The following CDH8 variants were observed in gnomAD, a reference collection of about 807,000 sequenced individuals.
The protein encoded by CDH8 is cadherin 8, also known as cadherin-8.
A neutral mutation model predicts 68.1 loss-of-function variants in CDH8; 17 were observed. That is an observed-to-expected ratio of 0.25 (90% CI 0.17 to 0.37). CDH8 has a LOEUF of 0.37. CDH8 is among the 10% of genes least tolerant of loss of function. CDH8 has a pLI of 1.00. For missense variants in CDH8, 763 were observed against 999.3 expected, an observed-to-expected ratio of 0.76 and a Z score of 3.19; for synonymous variants, 372 against 365.1, an observed-to-expected ratio of 1.02 and a Z score of -0.21.
At chr16:62,007,981 C>T (rs1901712801) in intron 2 of CDH8, among the ~76,000 whole-genome samples, 1 of 152,038 alleles carries the variant, frequency 6.6e-6, no homozygotes, top group Admixed American at 6.5e-5. Context: ...GAGTCAGGAT[C>T]TTGCTCTGCC....
chr16:61,697,756 G>A (rs1396514456), intron 10 of CDH8, among the ~76,000 whole-genome samples: 2 of 152,210 alleles, frequency 1.3e-5, no homozygotes, highest in Non-Finnish European at 2.9e-5. Context: ...TTCTCAAAGT[G>A]CTGAGATAAC....
chr16:61,674,473 C>T (rs1320351501), intron 10 of CDH8, among the ~76,000 whole-genome samples: 5 of 139,788 alleles, frequency 3.6e-5, no homozygotes, highest in Admixed American at 3.4e-4. Context: ...AAAAAAAAAC[C>T]CTCACACTGA....
At chr16:61,908,042 C>CAAAA (rs547459147) in intron 2 of CDH8, among the ~76,000 whole-genome samples, 3 of 91,602 alleles carry the variant, frequency 3.3e-5, no homozygotes, top group African/African-American at 4.1e-5. Flanking sequence ...GACTCAGTCT[C>CAAAA]AAAAAAAAAA....
chr16:61,901,952 T>C (rs1963982585), intron 2 of CDH8, among the ~76,000 whole-genome samples: 1 of 151,830 alleles, frequency 6.6e-6, no homozygotes, highest in Admixed American at 6.5e-5. Context: ...GGCACATATT[T>C]ACCTCTCCAA....
At chr16:61,747,239 A>C (rs1567451813) in intron 8 of CDH8, among the ~76,000 whole-genome samples, 1 of 152,132 alleles carries the variant, frequency 6.6e-6, no homozygotes, top group East Asian at 1.9e-4. Context: ...ATTGAGTAAA[A>C]TATGCAAATC....
chr16:61,744,932 A>G (rs1049076481), intron 8 of CDH8, among the ~76,000 whole-genome samples: 3 of 151,282 alleles, frequency 2.0e-5, no homozygotes, highest in Non-Finnish European at 4.4e-5. Context: ...TATATTAAGT[A>G]GTATATATTA....
At chr16:61,733,423 A>C (rs560995335) in intron 8 of CDH8, among the ~76,000 whole-genome samples, 1 of 152,088 alleles carries the variant, frequency 6.6e-6, no homozygotes, top group East Asian at 1.9e-4. Flanking sequence ...GTAGGATTTG[A>C]CATCTTACAT....
At chr16:61,745,895 G>A (rs796136712) in intron 8 of CDH8, among the ~76,000 whole-genome samples, 1 of 151,638 alleles carries the variant, frequency 6.6e-6, no homozygotes, top group African/African-American at 2.4e-5. Context: ...TTTTTTAATT[G>A]GATTTTGAAA....
intron 1 of CDH8, among the ~76,000 whole-genome samples, chr16:62,033,018 A>T (rs1355135576): frequency 6.6e-6 from 1 of 152,226 alleles, no homozygotes; most frequent in Admixed American, 6.5e-5. Context: ...CAATTTCTTG[A>T]ATAGAATCAT....
chr16:61,901,605 A>C (rs1963974858), intron 2 of CDH8, 132 bp from the exon 3 acceptor site: 1 of 631,282 alleles, frequency 1.6e-6, no homozygotes, highest in African/African-American at 1.8e-5. Flanking sequence ...TAGCTGTACA[A>C]AGTGTATGCA....
intron 2 of CDH8, among the ~76,000 whole-genome samples, chr16:61,944,619 GA>G (rs1467561832): frequency 6.6e-6 from 1 of 152,130 alleles, no homozygotes; most frequent in Non-Finnish European, 1.5e-5. Context: ...CTTACATTTT[GA>G]GAGATATTAA....
chr16:61,750,269 C>T (rs571833351), intron 8 of CDH8, among the ~76,000 whole-genome samples: 7 of 152,052 alleles, frequency 4.6e-5, no homozygotes, highest in African/African-American at 1.2e-4. Context: ...AGAAAAACTA[C>T]GCAGTCTCTC....
rs1404751396 is a variant in CDH8 at position 61,654,840 on chromosome 16, G to GTA, written c.1906+628_1906+629dup. On this transcript the variant is annotated intron_variant, in intron 11 of 11. Coordinates refer to ENST00000577390, the MANE Select transcript of CDH8 (RefSeq NM_001796.5). Reference sequence around the variant, plus strand: ...TATGGTGTTTTGTTCCTCAAGGGTAGTATAAGATACGACTCTCATGTTTTT... The same window carrying GTA: ...TATGGTGTTTTGTTCCTCAAGGGTAGTATATAAGATACGACTCTCATGTTTTT... 3.3e-5 allele frequency among the ~76,000 whole-genome samples: 5 copies of GTA among 152,268 alleles called. No homozygotes were observed. In the East Asian group the frequency reaches 9.7e-4, roughly 29 times the overall value.
chr16:61,789,268 G>C, intron 8 of CDH8, 78 bp downstream of exon 8: 1 of 1,310,034 alleles, frequency 7.6e-7, no homozygotes. Context: ...CAGAAACAGG[G>C]GCTGCTTATC....
At chr16:62,012,006 C>G (rs1398919437) in intron 2 of CDH8, among the ~76,000 whole-genome samples, 6 of 152,012 alleles carry the variant, frequency 3.9e-5, no homozygotes, top group African/African-American at 1.5e-4. Context: ...CAAATTAGGC[C>G]AAGGTGTGTA....
chr16:62,018,336 G>A (rs1901991798), intron 2 of CDH8, among the ~76,000 whole-genome samples: 1 of 152,266 alleles, frequency 6.6e-6, no homozygotes, highest in African/African-American at 2.4e-5. Context: ...CAGCCTGCTA[G>A]GTCAGAGGCG....
At chr16:61,879,825 A>G (rs1963535523) in intron 3 of CDH8, among the ~76,000 whole-genome samples, 1 of 152,198 alleles carries the variant, frequency 6.6e-6, no homozygotes, top group Non-Finnish European at 1.5e-5. Context: ...CAGAGACCTT[A>G]TGGGAGAGTA....
chr16:62,019,188 G>A (rs1248125754), intron 2 of CDH8, among the ~76,000 whole-genome samples: 1 of 152,210 alleles, frequency 6.6e-6, no homozygotes, highest in Non-Finnish European at 1.5e-5. Flanking sequence ...GATTAAAGAA[G>A]TTCTGAATAT....
chr16:61,849,377 C>T (rs151320336), intron 4 of CDH8, among the ~76,000 whole-genome samples: 25 of 151,966 alleles, frequency 1.6e-4, no homozygotes, highest in African/African-American at 5.8e-4. Context: ...CCACAGGTGA[C>T]AAAAACCACT....
Sources: allele counts gnomAD v4.1 joint callset (sites outside exome capture counted in the v4.1 genomes callset), GRCh38; gene constraint gnomAD v4.1.1; transcripts MANE v1.5; gene names NCBI Gene and HGNC (gene_info 2026-07-23, HGNC 2026-07-21).